The following YTHDF2 variants were observed in gnomAD, a reference collection of about 807,000 sequenced individuals.
YTHDF2 encodes YTH N6-methyladenosine RNA binding protein F2.
In YTHDF2, 2 loss-of-function variants were observed where a neutral mutation model predicts 50.4. The observed-to-expected ratio is 0.04, with a 90% confidence interval of 0.02 to 0.12. The LOEUF is 0.12. YTHDF2 is among the 10% of genes least tolerant of loss of function. YTHDF2 has a pLI of 1.00. For synonymous variants in YTHDF2, 217 were observed against 255.6 expected (o/e 0.85, Z 1.44); for missense variants, 483 against 722.6 (o/e 0.67, Z 3.80).
At chr1:28,737,272 C>T (rs1021432708) in intron 1 of YTHDF2, 125 bp downstream of exon 1, 5 of 1,323,452 alleles carry the variant, frequency 3.8e-6, no homozygotes, top group African/African-American at 3.1e-5. Flanking sequence ...GGCCAGGTTT[C>T]GGGCCTCTCA....
intron 3 of YTHDF2, among the ~76,000 whole-genome samples, chr1:28,740,999 C>T (rs1000884202): frequency 2.0e-5 from 3 of 150,724 alleles, no homozygotes; most frequent in Non-Finnish European, 4.4e-5. Context: ...CCACCGCGCC[C>T]GGCTATTTAT....
chr1:28,737,074 G>GCTGAGGAGAGTTCGCCGCCGTCGCCGCC lies in YTHDF2; in HGVS notation c.-45_-18dup, dbSNP rs1403024469. On this transcript the variant is annotated 5_prime_UTR_variant, in exon 1 of 5. Coordinates refer to ENST00000373812, the MANE Select transcript of YTHDF2 (RefSeq NM_016258.3). ...GGGGCTCATCTGCCGCCGCCGCCGCGCTGAGGAGAGTTCGCCGCCGTCGCC... is the reference window on the plus strand; with the variant it reads ...GGGGCTCATCTGCCGCCGCCGCCGCGCTGAGGAGAGTTCGCCGCCGTCGCCGCCCTGAGGAGAGTTCGCCGCCGTCGCC... 1.3e-6 allele frequency: 2 copies of GCTGAGGAGAGTTCGCCGCCGTCGCCGCC among 1,572,970 alleles called. No homozygotes were observed. Among genetic ancestry groups the GCTGAGGAGAGTTCGCCGCCGTCGCCGCC allele is most frequent in the Non-Finnish European group, 1.7e-6 (2 of 1,161,222 alleles).
chr1:28,750,836 T>C (rs961319785), intron 4 of YTHDF2, among the ~76,000 whole-genome samples: 1 of 152,008 alleles, frequency 6.6e-6, no homozygotes, highest in Non-Finnish European at 1.5e-5. Context: ...CTCATGCCTG[T>C]AATTCCAGCA....
chr1:28,767,908 TA>T (rs1362306862), intron 4 of YTHDF2, among the ~76,000 whole-genome samples: 1 of 150,210 alleles, frequency 6.7e-6, no homozygotes, highest in Non-Finnish European at 1.5e-5. Flanking sequence ...ATGTAAAATT[TA>T]AAAAATTCTG....
At chr1:28,737,400 C>A (rs550261206) in intron 1 of YTHDF2, 1 of 634,366 alleles carries the variant, frequency 1.6e-6, no homozygotes, top group Non-Finnish European at 2.6e-6. Context: ...CGTTTTCCTT[C>A]CTTGTTTCCT....
Position 28,742,516 on chromosome 1 carries a change from C to A in YTHDF2, c.246C>A (p.Ala82=). ...EAAWSTGGDT[A]MPYLTSYGQL... is the part of the protein sequence containing the mutation. ...CTTGGTCTACGGGGGGTGACACAGCCATGCCCTACTTAACTTCTTATGGAC... is the reference window on the plus strand; with the variant it reads ...CTTGGTCTACGGGGGGTGACACAGCAATGCCCTACTTAACTTCTTATGGAC... Residue 82 remains alanine, a synonymous_variant, in exon 4 of 5, where the codon GCC becomes GCA. Coordinates refer to ENST00000373812, the MANE Select transcript of YTHDF2 (RefSeq NM_016258.3). 6.2e-7 allele frequency: 1 copy of A among 1,614,060 alleles called. No individual in the cohort carries two copies. The highest frequency in any genetic ancestry group is 8.5e-7 in the Non-Finnish European group (1 of 1,180,014).
At chr1:28,763,330 G>C (rs2088162562) in intron 4 of YTHDF2, among the ~76,000 whole-genome samples, 2 of 152,140 alleles carry the variant, frequency 1.3e-5, no homozygotes, top group Non-Finnish European at 2.9e-5. Flanking sequence ...CTGGAGTGAA[G>C]TGGCGTGACC....
Position 28,760,980 on chromosome 1 carries a change from CAAGT to C in YTHDF2, c.1717-7948_1717-7945del, listed in dbSNP as rs572349564. Among the ~76,000 whole-genome samples the C allele has an allele frequency of 2.0e-4, 30 of 152,238 alleles. No individual in the cohort carries two copies. The East Asian group carries it at 5.4e-3, about 27-fold the overall frequency. On this transcript the variant is annotated intron_variant, in intron 4 of 4. Coordinates refer to ENST00000373812, the MANE Select transcript of YTHDF2 (RefSeq NM_016258.3). ...TTTGTTTACACCGCATTACCACAAA[CAAGT>C]GAGTAATGTTTTGTGCTACATCCTT...
At chr1:28,737,975 T>G in intron 2 of YTHDF2, 1 of 578,100 alleles carries the variant, frequency 1.7e-6, no homozygotes, top group Non-Finnish European at 3.1e-6. Context: ...CGTGGATCAC[T>G]CTCTGGAAGT....
chr1:28,741,414 C>T (rs1182422367), intron 3 of YTHDF2, among the ~76,000 whole-genome samples: 2 of 151,910 alleles, frequency 1.3e-5, no homozygotes, highest in Non-Finnish European at 2.9e-5. Flanking sequence ...TCTACCGCCT[C>T]AGCCTCCTGA....
At chr1:28,765,702 C>G (rs1054920815) in intron 4 of YTHDF2, among the ~76,000 whole-genome samples, 3 of 152,146 alleles carry the variant, frequency 2.0e-5, no homozygotes, top group African/African-American at 7.2e-5. Context: ...CGTCCCCTGC[C>G]TCAGCCTTCT....
In YTHDF2 at chr1:28,742,859, A is replaced by G. The variant is rs371581390; in HGVS notation, c.589A>G (p.Thr197Ala). The G allele has an allele frequency of 6.4e-5, 103 of 1,614,042 alleles. No individual in the cohort carries two copies. Among genetic ancestry groups the G allele is most frequent in the Non-Finnish European group, 8.3e-5 (98 of 1,180,034 alleles). The change falls in exon 4 of 5, where the codon ACA (threonine) becomes GCA (alanine). Residue 197 changes from threonine (T) to alanine (A), a missense_variant. Thr to Ala is a moderately conservative substitution (Grantham distance 58). Coordinates refer to ENST00000373812, the MANE Select transcript of YTHDF2 (RefSeq NM_016258.3). ...GATGGCAGCACTGAAGTTGGGTAGCACAGAAGTTGCAAGCAATGTTCCAAA... is the reference window on the plus strand; with the variant it reads ...GATGGCAGCACTGAAGTTGGGTAGCGCAGAAGTTGCAAGCAATGTTCCAAA... ...QGMAALKLGS[T>A]EVASNVPKVV... is the part of the protein sequence containing the mutation.
chr1:28,740,838 G>A (rs1025149551), intron 3 of YTHDF2, among the ~76,000 whole-genome samples: 1 of 151,840 alleles, frequency 6.6e-6, no homozygotes, highest in African/African-American at 2.4e-5. Context: ...CGAGTAGCTG[G>A]GACTACAGGC....
chr1:28,753,810 G>A (rs558594821), intron 4 of YTHDF2, among the ~76,000 whole-genome samples: 1 of 150,936 alleles, frequency 6.6e-6, no homozygotes, highest in African/African-American at 2.4e-5. Flanking sequence ...AGGTTCAAGC[G>A]ATTCTCCTGC....
intron 4 of YTHDF2, among the ~76,000 whole-genome samples, chr1:28,756,780 A>G (rs934782256): frequency 1.9e-4 from 29 of 150,666 alleles, no homozygotes; most frequent in Middle Eastern, 6.8e-3. Flanking sequence ...GGCTTACAGC[A>G]TTGGCTTTGC....
intron 4 of YTHDF2, among the ~76,000 whole-genome samples, chr1:28,750,930 A>G (rs910656718): frequency 4.4e-4 from 66 of 151,700 alleles, no homozygotes; most frequent in African/African-American, 1.5e-3. Context: ...CTGTCTCTAC[A>G]ACAAATAAAA....
At chr1:28,766,849 T>A (rs866846075) in intron 4 of YTHDF2, among the ~76,000 whole-genome samples, 6 of 151,438 alleles carry the variant, frequency 4.0e-5, no homozygotes, top group African/African-American at 7.3e-5. Flanking sequence ...TTTTTTTTTT[T>A]AATGATGGGG....
chr1:28,762,623 G>A (rs1272440740), intron 4 of YTHDF2, among the ~76,000 whole-genome samples: 1 of 152,122 alleles, frequency 6.6e-6, no homozygotes, highest in Non-Finnish European at 1.5e-5. Context: ...TGTGTTTTAT[G>A]GCCCACTTGA....
Position 28,761,693 on chromosome 1 carries a change from C to T in YTHDF2, c.1717-7236C>T, listed in dbSNP as rs565559316. The stretch of plus-strand genomic sequence containing the variant: ...TGGAGGTTGCGGTGAGCCGAGATTG[C>T]GCCATTGCATTCCAGGCAACAAGAG... On this transcript the variant is annotated intron_variant, in intron 4 of 4. Transcript: ENST00000373812. Among the ~76,000 whole-genome samples, 13 of 152,070 alleles carry T rather than the reference C, an allele frequency of 8.5e-5. No individual in the cohort carries two copies. The East Asian group carries it at 1.4e-3, about 16-fold the overall frequency.
Sources: gnomAD v4.1 joint callset for allele counts (sites outside exome capture counted in the v4.1 genomes callset) on GRCh38, gnomAD v4.1.1 for gene constraint, MANE v1.5 for transcripts, NCBI Gene and HGNC (gene_info 2026-07-23, HGNC 2026-07-21) for gene names.